The following PDZD2 variants were observed in gnomAD, a reference collection of about 807,000 sequenced individuals.
The protein encoded by PDZD2 is PDZ domain containing 2.
Under a neutral mutation model 220.7 loss-of-function variants are expected in PDZD2, and 90 were observed. The observed-to-expected ratio is 0.41, with a 90% CI of 0.34 to 0.49. PDZD2 has a LOEUF of 0.49. Ranked by LOEUF, PDZD2 falls within the 20% of genes least tolerant of loss-of-function variation. PDZD2 has a pLI of 0.28. For missense variants in PDZD2, 3,174 were observed against 3,608.5 expected, an observed-to-expected ratio of 0.88 and a Z score of 3.08; for synonymous variants, 1,375 against 1,450.5, an observed-to-expected ratio of 0.95 and a Z score of 1.18.
At chr5:32,093,129 G>C (rs1581480454) in intron 21 of PDZD2, 105 bp downstream of exon 21, 1 of 672,454 alleles carries the variant, frequency 1.5e-6, no homozygotes, top group East Asian at 2.7e-5. Flanking sequence ...CCGAGTCCTG[G>C]AGAGGGAGGA....
At chr5:32,073,761 G>T in intron 17 of PDZD2, 71 bp from the exon 18 acceptor site, 1 of 918,540 alleles carries the variant, frequency 1.1e-6, no homozygotes, top group Non-Finnish European at 1.7e-6. Flanking sequence ...GTAATGATGG[G>T]GTCAGATGAT....
intron 1 of PDZD2, among the ~76,000 whole-genome samples, chr5:31,789,675 CGCCAGCACTTTGGGAGGCCGAG>C (rs1561461212): frequency 6.6e-6 from 1 of 152,172 alleles, no homozygotes; most frequent in African/African-American, 2.4e-5. Context: ...ATGCCTATAA[CGCCAGCACTTTGGGAGGCCGAG>C]GCATCCGAGT....
chr5:32,008,136 AAAATAAATAAAT>A lies in PDZD2; in HGVS notation c.1255-2169_1255-2158del, dbSNP rs141877198. Among the ~76,000 whole-genome samples the A allele has an allele frequency of 9.1e-3, 1,313 of 143,954 alleles. 18 individuals carry two copies. The highest frequency in any genetic ancestry group is 0.031 in the African/African-American group (1,220 of 39,420). 94.4% of individuals were successfully genotyped at this position (143,954 alleles called of 152,430 possible). Reference sequence around the variant, plus strand: ...GAGACCCCATCTCTATAAAATAATAAAAATAAATAAATAAATAAATAAATAAATAAATAAATG... The same window carrying A: ...GAGACCCCATCTCTATAAAATAATAAAAATAAATAAATAAATAAATAAATG... On this transcript the variant is annotated intron_variant, in intron 5 of 24. Transcript: ENST00000438447.
Position 32,090,652 on chromosome 5 carries a change from G to A in PDZD2, c.7204G>A (p.Glu2402Lys), listed in dbSNP as rs1479682163. The part of the protein sequence containing the change: ...LLRRSLSSCS[E>K]NQSEAGTLLP... Reference sequence around the variant, plus strand: ...GAGACGCAGCTTGAGTTCCTGCAGCGAAAACCAAAGCGAAGCCGGCACCCT... The same window carrying A: ...GAGACGCAGCTTGAGTTCCTGCAGCAAAAACCAAAGCGAAGCCGGCACCCT... Residue 2402 changes from glutamate to lysine, a missense_variant, in exon 20 of 25, where the codon GAA (glutamate) becomes AAA (lysine). Transcript: ENST00000438447. This position sits in a 1 kb window ranked among gnomAD's most constrained non-coding sequence, Gnocchi z 4.3. The A allele has an allele frequency of 1.6e-5, 26 of 1,614,082 alleles. No individual in the cohort carries two copies. Among genetic ancestry groups the A allele is most frequent in the Admixed American group, 3.3e-5 (2 of 60,014 alleles).
At chr5:31,758,129 C>A (rs1751408911) in intron 1 of PDZD2, among the ~76,000 whole-genome samples, 1 of 152,228 alleles carries the variant, frequency 6.6e-6, no homozygotes, top group Non-Finnish European at 1.5e-5. Context: ...TTTTCAGGTG[C>A]CTCTCTCAGG....
intron 1 of PDZD2, among the ~76,000 whole-genome samples, chr5:31,798,372 C>T (rs527732905): frequency 4.7e-4 from 72 of 152,142 alleles, no homozygotes; most frequent in Non-Finnish European, 4.9e-4. Flanking sequence ...TGCCCTGGGA[C>T]GGAGGCGGGA....
intron 2 of PDZD2, among the ~76,000 whole-genome samples, chr5:31,846,507 C>T (rs181296808): frequency 5.3e-4 from 80 of 152,322 alleles, no homozygotes; most frequent in African/African-American, 1.2e-3. Flanking sequence ...TCTGTTCAGA[C>T]GTCATTCACT....
intron 2 of PDZD2, among the ~76,000 whole-genome samples, chr5:31,953,486 T>G (rs546303793): frequency 6.6e-6 from 1 of 152,134 alleles, no homozygotes; most frequent in African/African-American, 2.4e-5. Flanking sequence ...AAGGAAAAGA[T>G]AAACTAAACC....
chr5:32,088,881 C>T lies in PDZD2; in HGVS notation c.5433C>T (p.Gly1811=), dbSNP rs1742791961. The change falls in exon 20 of 25, where the codon GGC becomes GGT. Residue 1811 remains glycine, a synonymous_variant. Transcript: ENST00000438447. The surrounding 1 kb of genome is among the most constrained non-coding windows in gnomAD (Gnocchi z 4.6). ...AAGAAATAAATAAACATAACCAAGG[C>T]ACACATTTGAGGAGCAAAACCGAGA... ...WFKEINKHNQ[G]THLRSKTEKE... is the part of the protein sequence containing the mutation. 1 of 1,614,046 alleles carries T rather than the reference C, an allele frequency of 6.2e-7. No individual in the cohort carries two copies. Among genetic ancestry groups the T allele is most frequent in the Admixed American group, 1.7e-5 (1 of 60,004 alleles).
At position 31,643,160 on chromosome 5, in the gene PDZD2, C is replaced by T. The variant is rs113222924; in HGVS notation, c.-361+3723C>T. Among the ~76,000 whole-genome samples the T allele has an allele frequency of 6.8e-3, 1,028 of 152,212 alleles. 9 individuals are homozygous for T. The highest frequency in any genetic ancestry group is 0.023 in the African/African-American group (974 of 41,504). ...GCATCTGCTGTATAGGGGGTCCTTT[C>T]GAACAGTGTGTCCAGAAATGCATAA... On this transcript the variant is annotated intron_variant, in intron 1 of 24. Coordinates refer to ENST00000438447, the MANE Select transcript of PDZD2 (RefSeq NM_178140.4).
chr5:31,708,212 G>A (rs1282583174), intron 1 of PDZD2, among the ~76,000 whole-genome samples: 1 of 152,108 alleles, frequency 6.6e-6, no homozygotes, highest in Non-Finnish European at 1.5e-5. Flanking sequence ...GCCCTTCCCT[G>A]CCCGCCTCTG....
chr5:31,866,513 A>G (rs1738246020), intron 2 of PDZD2, among the ~76,000 whole-genome samples: 1 of 152,056 alleles, frequency 6.6e-6, no homozygotes, highest in Admixed American at 6.6e-5. Flanking sequence ...TCGTGCCCTC[A>G]CAGCTGCTTA....
chr5:31,965,160 G>C (rs1748616232), intron 2 of PDZD2, among the ~76,000 whole-genome samples: 1 of 152,214 alleles, frequency 6.6e-6, no homozygotes, highest in Non-Finnish European at 1.5e-5. Context: ...GAGTGGTAGA[G>C]AGTTTAATAA....
At chr5:31,712,151 T>C (rs1187819825) in intron 1 of PDZD2, 1 of 152,322 alleles carries the variant, frequency 6.6e-6, no homozygotes. Flanking sequence ...GGAGCACTTG[T>C]AGTTGCCTTG....
At chr5:31,642,097 A>G (rs1560143) in intron 1 of PDZD2, among the ~76,000 whole-genome samples, 78,780 of 151,976 alleles carry the variant, frequency 0.52, 22,612 homozygotes, top group South Asian at 0.68. Flanking sequence ...GACTCGGACC[A>G]TGGTGGTGGG....
chr5:31,961,018 A>C (rs1185347160), intron 2 of PDZD2, among the ~76,000 whole-genome samples: 1 of 152,200 alleles, frequency 6.6e-6, no homozygotes, highest in Non-Finnish European at 1.5e-5. Flanking sequence ...TTCTCTTTAT[A>C]ACATCACTTT....
At chr5:31,924,519 C>T (rs1486632857) in intron 2 of PDZD2, among the ~76,000 whole-genome samples, 1 of 152,206 alleles carries the variant, frequency 6.6e-6, no homozygotes, top group African/African-American at 2.4e-5. Flanking sequence ...CCTGTGGAAA[C>T]GCTGGAGTCC....
intron 9 of PDZD2, among the ~76,000 whole-genome samples, chr5:32,053,427 G>T (rs767553790): frequency 3.3e-5 from 5 of 152,234 alleles, no homozygotes; most frequent in Non-Finnish European, 5.9e-5. Context: ...AGTGGGAAAT[G>T]ACTCTTAAGA....
rs1002510085 is a variant in PDZD2 at position 31,763,894 on chromosome 5, A to G, written c.-360-34995A>G. ...TTAAAAAAAAAAAAAAAAAAGTCAT[A>G]GTGTAGACCTTTAATCTCTGAGAGT... On this transcript the variant is annotated intron_variant, in intron 1 of 24. Coordinates refer to ENST00000438447, the MANE Select transcript of PDZD2 (RefSeq NM_178140.4). 1.4e-4 allele frequency among the ~76,000 whole-genome samples: 21 copies of G among 149,878 alleles called. No individual in the cohort carries two copies. In the East Asian group the frequency reaches 3.9e-3, roughly 28 times the overall value.
Sources: allele counts gnomAD v4.1 joint callset (sites outside exome capture counted in the v4.1 genomes callset), GRCh38; gene constraint gnomAD v4.1.1; non-coding constraint Gnocchi (gnomAD v3.1); transcripts MANE v1.5; gene names NCBI Gene and HGNC (gene_info 2026-07-23, HGNC 2026-07-21).